The following NT5DC1 variants were observed in gnomAD, a reference collection of about 807,000 sequenced individuals.
NT5DC1 encodes the protein 5'-nucleotidase domain containing 1.
A neutral mutation model predicts 59.4 loss-of-function variants in NT5DC1; 42 were observed. The ratio of observed to expected loss-of-function variants is 0.71; its 90% CI spans 0.55 to 0.92. The LOEUF (loss-of-function observed/expected upper bound fraction) is 0.92. Among genes scored for constraint, NT5DC1 ranks in the 40% least tolerant of loss-of-function variants. NT5DC1 has a pLI of 0.00. For missense variants in NT5DC1, 501 were observed against 537.1 expected (o/e 0.93, Z 0.66); for synonymous variants, 172 against 188.1 (o/e 0.91, Z 0.70).
At chr6:116,182,293 G>T (rs1005325856) in intron 6 of NT5DC1, among the ~76,000 whole-genome samples, 1 of 150,570 alleles carries the variant, frequency 6.6e-6, no homozygotes, top group Non-Finnish European at 1.5e-5. Context: ...TTTGATTGAT[G>T]AACATTTGGG....
intron 6 of NT5DC1, among the ~76,000 whole-genome samples, chr6:116,183,167 G>A (rs1011363791): frequency 2.6e-5 from 4 of 151,782 alleles, no homozygotes; most frequent in African/African-American, 4.8e-5. Context: ...TTGCTTTGTC[G>A]AAGATCAGTA....
chr6:116,106,220 T>A (rs967585210), intron 1 of NT5DC1, 24 bp from the exon 2 acceptor site: 3 of 1,122,784 alleles, frequency 2.7e-6, no homozygotes, highest in Non-Finnish European at 4.1e-6. Flanking sequence ...ATATTTAATC[T>A]GTTTTTCTTC....
chr6:116,166,032 A>T (rs1370652742), intron 6 of NT5DC1, among the ~76,000 whole-genome samples: 1 of 152,154 alleles, frequency 6.6e-6, no homozygotes, highest in Non-Finnish European at 1.5e-5. Context: ...CACTGACAGC[A>T]TTGCCTGGGG....
At chr6:116,133,122 T>C (rs1482936998) in intron 6 of NT5DC1, among the ~76,000 whole-genome samples, 1 of 152,212 alleles carries the variant, frequency 6.6e-6, no homozygotes. Context: ...GCTACATTAC[T>C]TGAAGAGCTC....
In NT5DC1 at chr6:116,243,659, G is replaced by T. The variant is rs546911768; in HGVS notation, c.1253-250G>T. On this transcript the variant is annotated intron_variant, in intron 11 of 11. Transcript: ENST00000319550. The stretch of plus-strand genomic sequence containing the variant: ...ATGGTTATCTCATTCACATTTAAAT[G>T]CCTAGAAGCCTTTTTTATAGCTGTT... Among the ~76,000 whole-genome samples the T allele has an allele frequency of 2.0e-5, 3 of 152,180 alleles. No homozygotes were observed. In the East Asian group the frequency reaches 5.8e-4, roughly 29 times the overall value.
At chr6:116,160,437 TC>T (rs142544953) in intron 6 of NT5DC1, among the ~76,000 whole-genome samples, 5,886 of 152,290 alleles carry the variant, frequency 0.039, 154 homozygotes, top group South Asian at 0.072. Flanking sequence ...TCTGTTCATA[TC>T]CGTTTGTCTA....
intron 5 of NT5DC1, among the ~76,000 whole-genome samples, chr6:116,117,313 A>G (rs550816542): frequency 6.6e-6 from 1 of 152,144 alleles, no homozygotes; most frequent in South Asian, 2.1e-4. Context: ...ATGTATGTGT[A>G]TATGTAGCAG....
chr6:116,111,116 G>A (rs1778868015), intron 4 of NT5DC1, among the ~76,000 whole-genome samples, 160 bp downstream of exon 4: 1 of 152,242 alleles, frequency 6.6e-6, no homozygotes, highest in South Asian at 2.1e-4. Context: ...TTTTCCAAGT[G>A]TATTTGACTT....
In NT5DC1 at chr6:116,239,048, T is replaced by A. The variant is rs745694048; in HGVS notation, c.1177T>A (p.Leu393Met). ...GGGACTGGAAAATACAGAAGACTCC[T>A]TGGTTTATACATGGTCTTGTAAGAG... is the stretch of plus-strand genomic sequence containing the variant. Reference protein sequence around the residue: ...VLGLENTEDSLVYTWSCKRIS... With the variant: ...VLGLENTEDSMVYTWSCKRIS... Residue 393 changes from leucine (L) to methionine (M), a missense_variant, in exon 11 of 12, where the codon TTG becomes ATG. Leu to Met is a conservative substitution (Grantham distance 15). Coordinates refer to ENST00000319550, the MANE Select transcript of NT5DC1 (RefSeq NM_152729.3). 6.2e-7 allele frequency: 1 copy of A among 1,610,404 alleles called. No individual in the cohort carries two copies. The highest frequency in any genetic ancestry group is 1.1e-5 in the South Asian group (1 of 91,006).
At chr6:116,169,426 C>A (rs1780558082) in intron 6 of NT5DC1, among the ~76,000 whole-genome samples, 2 of 152,142 alleles carry the variant, frequency 1.3e-5, no homozygotes, top group African/African-American at 4.8e-5. Context: ...TACTATATTG[C>A]CACTTCTGTA....
At chr6:116,118,143 T>A (rs1779005101) in intron 6 of NT5DC1, 198 bp downstream of exon 6, 1 of 600,012 alleles carries the variant, frequency 1.7e-6, no homozygotes. Context: ...TAATTGCCCA[T>A]ATTCCAAGCT....
chr6:116,227,676 T>C (rs1324754822), intron 8 of NT5DC1, among the ~76,000 whole-genome samples: 3 of 152,236 alleles, frequency 2.0e-5, no homozygotes, highest in Non-Finnish European at 4.4e-5. Flanking sequence ...TGAGGTGATA[T>C]CTCATTATGG....
At chr6:116,135,242 T>A (rs1779559583) in intron 6 of NT5DC1, among the ~76,000 whole-genome samples, 2 of 152,176 alleles carry the variant, frequency 1.3e-5, no homozygotes, top group Non-Finnish European at 1.5e-5. Context: ...ATGTTATTAT[T>A]TGGGTTGTGA....
At chr6:116,207,265 AT>A (rs1274557266) in intron 6 of NT5DC1, among the ~76,000 whole-genome samples, 5 of 151,368 alleles carry the variant, frequency 3.3e-5, no homozygotes, top group African/African-American at 1.2e-4. Flanking sequence ...ATGGGAAAAA[AT>A]ATTTCTGTAC....
At chr6:116,110,067 C>T (rs1026704934) in intron 3 of NT5DC1, among the ~76,000 whole-genome samples, 1 of 152,088 alleles carries the variant, frequency 6.6e-6, no homozygotes, top group Non-Finnish European at 1.5e-5. Context: ...AACAATAGAA[C>T]TCAGAATGCT....
chr6:116,203,542 A>G (rs1451808974), intron 6 of NT5DC1, among the ~76,000 whole-genome samples: 3 of 151,886 alleles, frequency 2.0e-5, no homozygotes, highest in African/African-American at 7.2e-5. Flanking sequence ...ACTGAATGTC[A>G]CAGTAATTCA....
chr6:116,101,339 CA>C (rs1778647787), intron 1 of NT5DC1, among the ~76,000 whole-genome samples: 1 of 152,132 alleles, frequency 6.6e-6, no homozygotes, highest in East Asian at 1.9e-4. Flanking sequence ...GGGGCGGGGT[CA>C]GGGGGACTAG....
intron 8 of NT5DC1, among the ~76,000 whole-genome samples, chr6:116,232,029 T>C (rs1299234178): frequency 6.6e-6 from 1 of 152,212 alleles, no homozygotes; most frequent in Non-Finnish European, 1.5e-5. Flanking sequence ...TGAAACCAGG[T>C]TGTAGCAGGA....
At chr6:116,188,490 A>G (rs768602237) in intron 6 of NT5DC1, among the ~76,000 whole-genome samples, 8 of 152,056 alleles carry the variant, frequency 5.3e-5, no homozygotes, top group Admixed American at 1.3e-4. Context: ...AACAACATGA[A>G]TGAATCTTAA....
Sources: gnomAD v4.1 joint callset for allele counts (sites outside exome capture counted in the v4.1 genomes callset) on GRCh38, gnomAD v4.1.1 for gene constraint, MANE v1.5 for transcripts, NCBI Gene and HGNC (gene_info 2026-07-23, HGNC 2026-07-21) for gene names.